GPM6A: variants seen among roughly 807,000 people sequenced by gnomAD.
GPM6A encodes neuronal membrane glycoprotein M6-a.
GPM6A carries 7 observed loss-of-function variants against 32.1 expected under a neutral mutation model. The ratio of observed to expected loss-of-function variants is 0.22; its 90% confidence interval spans 0.12 to 0.41. The LOEUF is 0.41. Ranked by LOEUF, GPM6A falls within the 10% of genes least tolerant of loss-of-function variation. GPM6A has a pLI of 1.00. For missense variants in GPM6A, 235 were observed against 347.2 expected (o/e 0.68, Z 2.57); for synonymous variants, 130 against 123.4 (o/e 1.05, Z -0.35).
intron 1 of GPM6A, among the ~76,000 whole-genome samples, chr4:175,917,098 G>A (rs903196636): frequency 1.3e-5 from 2 of 152,000 alleles, no homozygotes; most frequent in East Asian, 1.9e-4. Flanking sequence ...AATATCATCC[G>A]TCTATAGAAG....
chr4:175,838,686 G>A (rs1283142398), intron 1 of GPM6A, among the ~76,000 whole-genome samples: 6 of 95,104 alleles, frequency 6.3e-5, no homozygotes, highest in African/African-American at 2.6e-4. Context: ...ACAGGGTCTT[G>A]TTCTATCACC....
At chr4:175,920,238 C>T (rs569126261) in intron 1 of GPM6A, among the ~76,000 whole-genome samples, 1 of 152,308 alleles carries the variant, frequency 6.6e-6, no homozygotes, top group Non-Finnish European at 1.5e-5. Flanking sequence ...ACATGTCTGG[C>T]AGGAATTTAG....
intron 1 of GPM6A, among the ~76,000 whole-genome samples, chr4:175,709,885 C>G (rs559400483): frequency 1.8e-3 from 271 of 152,100 alleles, no homozygotes; most frequent in Non-Finnish European, 2.5e-3. Context: ...TTGAACACTG[C>G]TAGTCATGAT....
chr4:175,992,060 G>GCACGCACACACACACACACA (rs71770965), intron 1 of GPM6A, among the ~76,000 whole-genome samples: 2 of 137,062 alleles, frequency 1.5e-5, no homozygotes, highest in African/African-American at 2.8e-5. Flanking sequence ...AAACACACAT[G>GCACGCACACACACACACACA]CACACACACA....
intron 2 of GPM6A, among the ~76,000 whole-genome samples, chr4:175,690,300 T>C (rs1744224822): frequency 2.6e-5 from 4 of 152,218 alleles, no homozygotes; most frequent in African/African-American, 9.6e-5. Flanking sequence ...AACCTTTTGA[T>C]TTTATCTTTT....
chr4:175,905,756 C>T (rs770944028), intron 1 of GPM6A, among the ~76,000 whole-genome samples: 18 of 152,126 alleles, frequency 1.2e-4, no homozygotes, highest in Non-Finnish European at 2.6e-4. Flanking sequence ...TCTAAAAATA[C>T]GGGTCTTCAT....
intron 1 of GPM6A, chr4:175,960,908 T>C (rs1170109675): frequency 6.6e-6 from 1 of 152,232 alleles, no homozygotes; most frequent in Non-Finnish European, 1.5e-5. Flanking sequence ...GGAAGAATGA[T>C]AGTTGCTTCC....
intron 1 of GPM6A, among the ~76,000 whole-genome samples, chr4:175,820,928 C>T (rs1735260385): frequency 6.6e-6 from 1 of 152,114 alleles, no homozygotes; most frequent in Non-Finnish European, 1.5e-5. Flanking sequence ...AATTTCTAAA[C>T]AACTGTAAAA....
chr4:175,748,791 C>T (rs917357376), intron 1 of GPM6A, among the ~76,000 whole-genome samples: 1 of 152,160 alleles, frequency 6.6e-6, no homozygotes, highest in Non-Finnish European at 1.5e-5. Flanking sequence ...TACAGGACAT[C>T]TTCCAATATA....
Position 175,806,157 on chromosome 4 carries a change from T to C in GPM6A, c.37+6034A>G, listed in dbSNP as rs573065514. 3 of 152,310 alleles carry C rather than the reference T, an allele frequency of 2.0e-5. No homozygotes were observed. The South Asian group carries it at 6.2e-4, about 32-fold the overall frequency. 9.4% of individuals were successfully genotyped at this position (152,310 alleles called of 1,614,324 possible). On this transcript the variant is annotated intron_variant, in intron 1 of 6. Coordinates refer to ENST00000393658, the MANE Select transcript of GPM6A (RefSeq NM_201591.3). ...TTGAATGGTGGGGAGGGGTTTTTGC[T>C]TGGGGGAAAATGGAGTTCGCAATGG...
chr4:175,686,060 C>T (rs1167706737), intron 2 of GPM6A, among the ~76,000 whole-genome samples: 2 of 152,104 alleles, frequency 1.3e-5, no homozygotes. Context: ...CTTCCCATGG[C>T]AAAAAGCAGG....
At chr4:175,919,341 T>C (rs1738595595) in intron 1 of GPM6A, among the ~76,000 whole-genome samples, 1 of 152,142 alleles carries the variant, frequency 6.6e-6, no homozygotes, top group African/African-American at 2.4e-5. Flanking sequence ...CCTGCTTAAA[T>C]CCAGGATCTC....
chr4:175,652,651 A>G (rs529308152), intron 3 of GPM6A, among the ~76,000 whole-genome samples: 1 of 152,222 alleles, frequency 6.6e-6, no homozygotes, highest in Admixed American at 6.5e-5. Context: ...ACAATTTTTA[A>G]TATTTATAAA....
At chr4:175,646,301 T>C (rs1741460330) in intron 4 of GPM6A, among the ~76,000 whole-genome samples, 2 of 152,234 alleles carry the variant, frequency 1.3e-5, no homozygotes, top group African/African-American at 4.8e-5. Context: ...TAATTAGCAA[T>C]GACACATAGC....
At chr4:175,953,478 T>A (rs1416973793) in intron 1 of GPM6A, among the ~76,000 whole-genome samples, 2 of 152,220 alleles carry the variant, frequency 1.3e-5, no homozygotes, top group Non-Finnish European at 2.9e-5. Context: ...AAGCAGTGTA[T>A]GGCAGGGATT....
intron 1 of GPM6A, among the ~76,000 whole-genome samples, chr4:175,914,739 A>AT (rs1554000973): frequency 6.6e-6 from 1 of 152,078 alleles, no homozygotes; most frequent in African/African-American, 2.4e-5. Context: ...TGTCAGAGCG[A>AT]GGGGGGGCCA....
intron 1 of GPM6A, among the ~76,000 whole-genome samples, chr4:175,804,767 C>T (rs951615313): frequency 3.9e-5 from 6 of 151,984 alleles, no homozygotes; most frequent in African/African-American, 9.6e-5. Flanking sequence ...GAAAGTGGGC[C>T]GGGCTCGGTG....
chr4:175,735,956 C>T (rs902648260), intron 1 of GPM6A, among the ~76,000 whole-genome samples: 1 of 152,180 alleles, frequency 6.6e-6, no homozygotes, highest in African/African-American at 2.4e-5. Flanking sequence ...TAAAGGCAGT[C>T]ACAAACCTTT....
chr4:175,782,096 A>C (rs73871215), intron 1 of GPM6A, among the ~76,000 whole-genome samples: 34,471 of 152,102 alleles, frequency 0.23, 4,203 homozygotes, highest in Admixed American at 0.28. Context: ...AGGCTCTGTA[A>C]GTGCTGGCTA....
Sources: allele counts gnomAD v4.1 joint callset (sites outside exome capture counted in the v4.1 genomes callset), GRCh38; gene constraint gnomAD v4.1.1; transcripts MANE v1.5; gene names NCBI Gene and HGNC (gene_info 2026-07-23, HGNC 2026-07-21).